Variants in GRIN2A observed in about 807,000 individuals in gnomAD.
GRIN2A encodes glutamate receptor ionotropic, NMDA 2A.
A neutral mutation model predicts 113.4 loss-of-function variants in GRIN2A; 22 were observed. The ratio of observed to expected loss-of-function variants is 0.19; its 90% CI spans 0.14 to 0.28. The LOEUF is 0.28. Among genes scored for constraint, GRIN2A ranks in the 10% least tolerant of loss-of-function variants. The probability of loss-of-function intolerance (pLI) is 1.00; values close to 1 mark genes in which losing one functional copy is unlikely to be tolerated. For synonymous variants in GRIN2A, 827 were observed against 738.4 expected (o/e 1.12, Z -1.94); for missense variants, 1,502 against 1,887.0 (o/e 0.80, Z 3.78).
At chr16:10,102,988 T>A (rs535304366) in intron 2 of GRIN2A, among the ~76,000 whole-genome samples, 39 of 152,252 alleles carry the variant, frequency 2.6e-4, no homozygotes, top group Non-Finnish European at 5.4e-4. Flanking sequence ...TTGTCTGCTC[T>A]GTGCCATCCC....
chr16:9,802,302 G>A (rs934514167), intron 10 of GRIN2A, among the ~76,000 whole-genome samples: 3 of 152,066 alleles, frequency 2.0e-5, no homozygotes, highest in African/African-American at 7.2e-5. Context: ...ACCCACCAGT[G>A]ACAGACTAGA....
At chr16:9,963,642 T>C (rs538004240) in intron 2 of GRIN2A, among the ~76,000 whole-genome samples, 1 of 152,372 alleles carries the variant, frequency 6.6e-6, no homozygotes, top group Admixed American at 6.5e-5. Flanking sequence ...TTATACTATA[T>C]GTAAGCTATG....
intron 2 of GRIN2A, among the ~76,000 whole-genome samples, chr16:10,012,494 T>C (rs1487168563): frequency 6.6e-6 from 1 of 152,066 alleles, no homozygotes; most frequent in Non-Finnish European, 1.5e-5. Context: ...GTAAAGAAAA[T>C]AATGTAAACC....
intron 11 of GRIN2A, among the ~76,000 whole-genome samples, chr16:9,792,686 C>A (rs1902688013): frequency 6.6e-6 from 1 of 151,868 alleles, no homozygotes; most frequent in Non-Finnish European, 1.5e-5. Flanking sequence ...TGTTAAATGA[C>A]CTCAGACTAG....
In GRIN2A at chr16:9,829,594, C is replaced by T. The variant is rs951288017; in HGVS notation, c.1836G>A (p.Val612=). The T allele has an allele frequency of 1.2e-6, 2 of 1,614,014 alleles. No homozygotes were observed. The highest frequency in any genetic ancestry group is 1.1e-5 in the South Asian group (1 of 91,072). ...GKAIWLLWGL[V]FNNSVPVQNP... is the part of the protein sequence containing the mutation. Reference sequence around the variant, plus strand: ...TCTGGACAGGCACGGAGTTATTGAACACCAGGCCCCAAAGAAGCCATATAG... The same window carrying T: ...TCTGGACAGGCACGGAGTTATTGAATACCAGGCCCCAAAGAAGCCATATAG... The change falls in exon 9 of 13, where the codon GTG becomes GTA. Residue 612 remains valine (V), a synonymous_variant. Transcript: ENST00000330684.
chr16:10,081,327 T>C (rs2047977391), intron 2 of GRIN2A, among the ~76,000 whole-genome samples: 1 of 152,226 alleles, frequency 6.6e-6, no homozygotes, highest in Admixed American at 6.5e-5. Context: ...GATGAAGCTA[T>C]TGCGAAGTCA....
chr16:9,787,696 G>A (rs547431571), intron 11 of GRIN2A, among the ~76,000 whole-genome samples: 6 of 152,206 alleles, frequency 3.9e-5, no homozygotes, highest in East Asian at 3.9e-4. Flanking sequence ...TATCCTTCTC[G>A]TGTTACTTAT....
chr16:9,979,043 G>C (rs1020327870), intron 2 of GRIN2A, among the ~76,000 whole-genome samples: 2 of 152,094 alleles, frequency 1.3e-5, no homozygotes, highest in Non-Finnish European at 2.9e-5. Context: ...CTTACAATGC[G>C]GGTCCCTCAC....
At chr16:9,948,409 G>A (rs540080255) in intron 2 of GRIN2A, among the ~76,000 whole-genome samples, 2 of 152,254 alleles carry the variant, frequency 1.3e-5, no homozygotes, top group South Asian at 4.1e-4. Flanking sequence ...GCTAGTCCAT[G>A]GACCAAGCTT....
chr16:9,981,239 G>A (rs1400599531), intron 2 of GRIN2A, among the ~76,000 whole-genome samples: 2 of 152,182 alleles, frequency 1.3e-5, no homozygotes, highest in Non-Finnish European at 2.9e-5. Context: ...TCTCAAGGCA[G>A]CACTGCCATG....
intron 2 of GRIN2A, among the ~76,000 whole-genome samples, chr16:10,040,032 A>ACG (rs2141955910): frequency 1.0e-3 from 1 of 974 alleles, no homozygotes; most frequent in East Asian, 0.026. Flanking sequence ...ACACAAATAT[A>ACG]CTACACACAT....
chr16:9,763,143 A>C lies in GRIN2A; in HGVS notation c.*6T>G. The C allele has an allele frequency of 6.2e-7, 1 of 1,613,466 alleles. No individual in the cohort carries two copies. The highest frequency in any genetic ancestry group is 8.5e-7 in the Non-Finnish European group (1 of 1,179,432). On this transcript the variant is annotated 3_prime_UTR_variant, in exon 13 of 13. Coordinates refer to ENST00000330684, the MANE Select transcript of GRIN2A (RefSeq NM_001134407.3). ...TCCCTATAGATAAAACATTAATGGAAGATTTTTAAACATCAGATTCGATAC... is the reference window on the plus strand; with the variant it reads ...TCCCTATAGATAAAACATTAATGGACGATTTTTAAACATCAGATTCGATAC...
At chr16:9,908,023 G>C (rs968090916) in intron 3 of GRIN2A, among the ~76,000 whole-genome samples, 3 of 152,194 alleles carry the variant, frequency 2.0e-5, no homozygotes, top group African/African-American at 7.2e-5. Flanking sequence ...CTGGAGTCCT[G>C]AGCAGCGTTG....
chr16:9,754,599 ATG>A lies in GRIN2A; in HGVS notation c.*8548_*8549del, dbSNP rs935433033. The A allele has an allele frequency of 4.7e-6, 1 of 214,554 alleles. No homozygotes were observed. Among genetic ancestry groups the A allele is most frequent in the African/African-American group, 2.3e-5 (1 of 44,284 alleles). 13.3% of individuals were successfully genotyped at this position (214,554 alleles called of 1,614,324 possible). Reference sequence around the variant, plus strand: ...AACTGAAACATTTACGTAAGTGGTCATGGCCCCAGAGCTTTTCTACAAACTTA... The same window carrying A: ...AACTGAAACATTTACGTAAGTGGTCAGCCCCAGAGCTTTTCTACAAACTTA... On this transcript the variant is annotated 3_prime_UTR_variant, in exon 13 of 13. Transcript: ENST00000330684.
intron 2 of GRIN2A, among the ~76,000 whole-genome samples, chr16:10,018,263 C>A (rs1400245040): frequency 6.6e-6 from 1 of 152,080 alleles, no homozygotes; most frequent in Non-Finnish European, 1.5e-5. Context: ...GAAAAAGGAC[C>A]CTAAGATGAA....
At chr16:9,969,114 C>T (rs556207558) in intron 2 of GRIN2A, among the ~76,000 whole-genome samples, 1 of 152,250 alleles carries the variant, frequency 6.6e-6, no homozygotes, top group African/African-American at 2.4e-5. Context: ...ACACTAGCCA[C>T]ACTTCAAATG....
intron 3 of GRIN2A, among the ~76,000 whole-genome samples, chr16:9,915,348 G>A (rs926664123): frequency 2.0e-5 from 3 of 152,072 alleles, no homozygotes; most frequent in Admixed American, 1.3e-4. Context: ...CTTGAATCAA[G>A]TCCACCACCC....
intron 2 of GRIN2A, among the ~76,000 whole-genome samples, chr16:10,141,142 CAGA>C (rs2049318588): frequency 1.3e-5 from 2 of 151,770 alleles, no homozygotes. Context: ...TGGAGTGAGC[CAGA>C]TCGTGCCACT....
intron 2 of GRIN2A, among the ~76,000 whole-genome samples, chr16:10,012,526 G>T (rs974360896): frequency 6.6e-6 from 1 of 152,120 alleles, no homozygotes; most frequent in Admixed American, 6.5e-5. Context: ...ATTCTAAAAG[G>T]GTGGCCATGT....
Sources: gnomAD v4.1 joint callset for allele counts (sites outside exome capture counted in the v4.1 genomes callset) on GRCh38, gnomAD v4.1.1 for gene constraint, MANE v1.5 for transcripts, NCBI Gene and HGNC (gene_info 2026-07-23, HGNC 2026-07-21) for gene names.